The following OTOF variants were observed in gnomAD, a reference collection of about 807,000 sequenced individuals.
The protein encoded by OTOF is otoferlin, also known as fer-1-like family member 2.
In OTOF, 218 loss-of-function variants were observed where a neutral mutation model predicts 236.8. The observed-to-expected ratio is 0.92, with a 90% CI of 0.82 to 1.03. OTOF has a LOEUF of 1.03. Among genes scored for constraint, OTOF ranks in the 50% least tolerant of loss-of-function variants. The probability of loss-of-function intolerance (pLI) is 0.00; values close to 1 mark genes in which losing one functional copy is unlikely to be tolerated. For missense variants in OTOF, 2,590 were observed against 2,694.4 expected (o/e 0.96, Z 0.86); for synonymous variants, 1,041 against 1,072.5 (o/e 0.97, Z 0.57).
Position 26,460,336 on chromosome 2 carries a change from C to G in OTOF, c.5814-131G>C. 1.3e-6 allele frequency: 1 copy of G among 778,584 alleles called. No homozygotes were observed. The highest frequency in any genetic ancestry group is 2.7e-5 in the East Asian group (1 of 37,280). The allele number at this position is 778,584 out of a possible 1,614,324, so 48.2% of individuals were successfully genotyped here. A position where few individuals can be genotyped will look rare whatever the true frequency, so the allele number is the denominator to read the frequency against. ...CAGTTCTAGGCACCCCTCTGGCCAT[C>G]AAGGCTGGCCATGGCCCCAGAGGCC... On this transcript the variant is annotated intron_variant, in intron 45 of 46. Coordinates refer to ENST00000272371, the MANE Select transcript of OTOF (RefSeq NM_194248.3). The surrounding 1 kb of genome is among the most constrained non-coding windows in gnomAD (Gnocchi z 5.3).
At chr2:26,550,999 C>T (rs6547102) in intron 1 of OTOF, among the ~76,000 whole-genome samples, 128,278 of 151,108 alleles carry the variant, frequency 0.85, 56,521 homozygotes, top group Non-Finnish European at 0.96. Flanking sequence ...TGGCTTTTTT[C>T]CCCCCCTTGA....
rs575511982 is a variant in OTOF, at chr2:26,557,821, C to G, written c.79+672G>C. ...CATACCTGTCCTGCTTGTTCCACGC[C>G]TGCCCAACAGATGCAGGCTCCTTGG... On this transcript the variant is annotated intron_variant, in intron 1 of 46. Transcript: ENST00000272371. 2.8e-3 allele frequency among the ~76,000 whole-genome samples: 428 copies of G among 151,776 alleles called. 3 individuals are homozygous for G. The highest frequency in any genetic ancestry group is 0.01 in the Middle Eastern group (3 of 294).
rs2148055264 is a variant in OTOF at position 26,479,595 on chromosome 2, C to T, written c.1971G>A (p.Lys657=). Residue 657 remains lysine (K), a synonymous_variant, in exon 17 of 47, where the codon AAG becomes AAA. Coordinates refer to ENST00000272371, the MANE Select transcript of OTOF (RefSeq NM_194248.3). The stretch of plus-strand genomic sequence containing the variant: ...CTACTTCTTCCTCATCCCCCGGCTC[C>T]TTCCGGGGCCGAGGCCGCTGGGGCC... The part of the protein sequence containing the change: ...LSRPQRPRPR[K]EPGDEEEVDL... 1 of 1,612,636 alleles carries T rather than the reference C, an allele frequency of 6.2e-7. No homozygotes were observed.
intron 1 of OTOF, 85 bp downstream of exon 1, chr2:26,558,408 C>G (rs996524038): frequency 2.5e-6 from 3 of 1,221,126 alleles, no homozygotes; most frequent in Non-Finnish European, 3.6e-6. Flanking sequence ...ATCCTCCCAG[C>G]CCTGTCCTAT....
intron 26 of OTOF, 53 bp downstream of exon 26, chr2:26,474,460 C>G: frequency 1.3e-6 from 2 of 1,516,762 alleles, no homozygotes; most frequent in Non-Finnish European, 1.8e-6. Flanking sequence ...CCCTAGGCCC[C>G]AACTCCCAGC....
chr2:26,482,671 A>G (rs1261567854), intron 13 of OTOF, 79 bp from the exon 14 acceptor site: 2 of 1,223,814 alleles, frequency 1.6e-6, no homozygotes, highest in Non-Finnish European at 2.3e-6. Context: ...GAGTGGGCGC[A>G]TGTGTGCGTG....
Position 26,466,322 on chromosome 2 carries a change from G to A in OTOF, c.4501-246C>T, listed in dbSNP as rs1191922338. The A allele has an allele frequency of 6.9e-6, 4 of 576,224 alleles. No homozygotes were observed. In the East Asian group the frequency reaches 9.0e-5, roughly 13 times the overall value. The allele number at this position is 576,224 out of a possible 1,614,324, so 35.7% of individuals were successfully genotyped here. On this transcript the variant is annotated intron_variant, in intron 36 of 46. Coordinates refer to ENST00000272371, the MANE Select transcript of OTOF (RefSeq NM_194248.3). ...GGTGCCTCCCAGTCTGGGGCTGTCA[G>A]TATGCAGCTTCTTCTTCTTTTTTTT...
chr2:26,463,387 A>G, intron 41 of OTOF, 96 bp downstream of exon 41: 1 of 1,050,336 alleles, frequency 9.5e-7, no homozygotes, highest in African/African-American at 1.6e-5. Context: ...GGCCAAGGCC[A>G]TCTGGACCTG....
chr2:26,514,205 C>G (rs1310611327), intron 5 of OTOF, among the ~76,000 whole-genome samples: 1 of 152,274 alleles, frequency 6.6e-6, no homozygotes, highest in Admixed American at 6.5e-5. Context: ...GCCCCAGTGG[C>G]AGCAGGGAAA....
At chr2:26,519,981 C>T (rs1041501208) in intron 3 of OTOF, among the ~76,000 whole-genome samples, 1 of 152,234 alleles carries the variant, frequency 6.6e-6, no homozygotes, top group Non-Finnish European at 1.5e-5. Context: ...ACATTTCTAG[C>T]ACACTAGAGA....
At position 26,482,610 on chromosome 2, in the gene OTOF, A is replaced by G; in HGVS notation, c.1393-18T>C. The G allele has an allele frequency of 6.2e-7, 1 of 1,608,858 alleles. No individual in the cohort carries two copies. Among genetic ancestry groups the G allele is most frequent in the Non-Finnish European group, 8.5e-7 (1 of 1,177,036 alleles). ...GTCTTGCCCTGGTGGAAGGGGGAGC[A>G]CAGGTGAGGGCGTGGCATGTGTGTG... On this transcript the variant is annotated intron_variant, in intron 13 of 46. Transcript: ENST00000272371.
chr2:26,465,132 T>C, intron 38 of OTOF, 103 bp from the exon 39 acceptor site: 1 of 1,013,020 alleles, frequency 9.9e-7, no homozygotes. Flanking sequence ...GTTGCCCTCA[T>C]CAGCAAGTGA....
At chr2:26,517,915 C>T (rs1430214198) in intron 4 of OTOF, among the ~76,000 whole-genome samples, 2 of 152,208 alleles carry the variant, frequency 1.3e-5, no homozygotes, top group Non-Finnish European at 2.9e-5. Flanking sequence ...ACACTACACT[C>T]TTCATCCAGG....
rs111033366 is a variant in OTOF at position 26,461,835 on chromosome 2, G to A, written c.5394C>T (p.Asp1798=). ...NFNWRYLFPF[D]YLAAEEKIVI... ...CGATCTTCTCCTCCGCCGCCAGGTA[G>A]TCGAAGGGGAACAGGTAGCGCCAGT... Residue 1798 remains aspartate, a synonymous_variant, in exon 43 of 47, where the codon GAC becomes GAT. Coordinates refer to ENST00000272371, the MANE Select transcript of OTOF (RefSeq NM_194248.3). This position sits in a 1 kb window ranked among gnomAD's most constrained non-coding sequence, Gnocchi z 6.2. 279 of 1,614,200 alleles carry A rather than the reference G, an allele frequency of 1.7e-4. No homozygotes were observed. The African/African-American group carries it at 3.2e-3, about 19-fold the overall frequency.
intron 23 of OTOF, 26 bp from the exon 24 acceptor site, chr2:26,476,064 C>T (rs1406032594): frequency 1.2e-6 from 2 of 1,612,082 alleles, no homozygotes; most frequent in Non-Finnish European, 1.7e-6. Flanking sequence ...GCCTGAGGTT[C>T]CAGGATGGGC....
intron 5 of OTOF, among the ~76,000 whole-genome samples, chr2:26,511,703 A>T (rs1220295324): frequency 6.6e-6 from 1 of 152,210 alleles, no homozygotes; most frequent in Admixed American, 6.5e-5. Flanking sequence ...GAGACTACTA[A>T]GCGGAGAAGA....
chr2:26,550,386 C>T (rs1213320410), intron 1 of OTOF, among the ~76,000 whole-genome samples: 1 of 151,990 alleles, frequency 6.6e-6, no homozygotes, highest in African/African-American at 2.4e-5. Flanking sequence ...GCTAACTGAT[C>T]ACTGCTCCTG....
chr2:26,496,001 A>G (rs1665974280), intron 8 of OTOF, among the ~76,000 whole-genome samples: 1 of 152,164 alleles, frequency 6.6e-6, no homozygotes, highest in Non-Finnish European at 1.5e-5. Flanking sequence ...TTGTATGGCC[A>G]GTGCGGCTTT....
intron 1 of OTOF, among the ~76,000 whole-genome samples, chr2:26,539,595 T>G (rs532614511): frequency 2.0e-5 from 3 of 151,910 alleles, no homozygotes; most frequent in African/African-American, 7.3e-5. Flanking sequence ...AATAGCTGGG[T>G]GTGGTGGCAC....
Sources: allele counts gnomAD v4.1 joint callset (sites outside exome capture counted in the v4.1 genomes callset), GRCh38; gene constraint gnomAD v4.1.1; non-coding constraint Gnocchi (gnomAD v3.1); transcripts MANE v1.5; gene names NCBI Gene and HGNC (gene_info 2026-07-23, HGNC 2026-07-21).